Variants in TRIP13 observed in about 807,000 individuals in gnomAD.
TRIP13 encodes pachytene checkpoint protein 2 homolog.
TRIP13 carries 25 observed loss-of-function variants against 54.4 expected under a neutral mutation model. The ratio of observed to expected loss-of-function variants is 0.46; its 90% CI spans 0.33 to 0.64. TRIP13 has a LOEUF of 0.64. TRIP13 is among the 30% of genes least tolerant of loss of function. The pLI is 0.02. For missense variants in TRIP13, 373 were observed against 534.2 expected (o/e 0.70, Z 2.97); for synonymous variants, 207 against 207.8 (o/e 1.00, Z 0.03).
intron 6 of TRIP13, among the ~76,000 whole-genome samples, chr5:906,218 C>A (rs1754112426): frequency 6.6e-6 from 1 of 152,068 alleles, no homozygotes; most frequent in African/African-American, 2.4e-5. Context: ...TCTCTAGGGG[C>A]AGAGAGGGCA....
In TRIP13 at chr5:902,332, G is replaced by A. The variant is rs563883420; in HGVS notation, c.535+901G>A. 1.7e-4 allele frequency among the ~76,000 whole-genome samples: 26 copies of A among 152,292 alleles called. No homozygotes were observed. In the South Asian group the frequency reaches 5.4e-3, roughly 32 times the overall value. The stretch of plus-strand genomic sequence containing the variant: ...TTCTTTAAGTCAGTTAAGATTGCGT[G>A]ACAAAGTGACCTTAAAACACAATGT... On this transcript the variant is annotated intron_variant, in intron 5 of 12. Transcript: ENST00000166345.
At chr5:914,418 C>A in intron 10 of TRIP13, 47 bp from the exon 11 acceptor site, 2 of 1,405,352 alleles carry the variant, frequency 1.4e-6, no homozygotes, top group South Asian at 1.2e-5. Context: ...TGCCTACGCT[C>A]AGGCCTCTGT....
In TRIP13 at chr5:913,836, TCTC is replaced by T. The variant is rs1408062714; in HGVS notation, c.1021-626_1021-624del. 1.3e-5 allele frequency among the ~76,000 whole-genome samples: 2 copies of T among 152,130 alleles called. No individual in the cohort carries two copies. Among genetic ancestry groups the T allele is most frequent in the Admixed American group, 6.5e-5 (1 of 15,274 alleles). On this transcript the variant is annotated intron_variant, in intron 10 of 12. Transcript: ENST00000166345. This position sits in a 1 kb window ranked among gnomAD's most constrained non-coding sequence, Gnocchi z 4.5. ...GTTCAGACAATGCTATTTTCTTCCTTCTCCTTGTTCCTGAGTCAGAACGGTTCG... is the reference window on the plus strand; with the variant it reads ...GTTCAGACAATGCTATTTTCTTCCTTCTTGTTCCTGAGTCAGAACGGTTCG...
intron 11 of TRIP13, 134 bp downstream of exon 11, chr5:914,711 A>G (rs902984158): frequency 2.9e-6 from 2 of 688,796 alleles, no homozygotes; most frequent in African/African-American, 3.7e-5. Flanking sequence ...ATGAACATGC[A>G]TGTACACACG....
chr5:918,112 ATTAC>A lies in TRIP13; in HGVS notation c.*1013_*1016del, dbSNP rs2150694064. On this transcript the variant is annotated 3_prime_UTR_variant, in exon 13 of 13. Coordinates refer to ENST00000166345, the MANE Select transcript of TRIP13 (RefSeq NM_004237.4). The surrounding 1 kb of genome is among the most constrained non-coding windows in gnomAD (Gnocchi z 4.3). The stretch of plus-strand genomic sequence containing the variant: ...AATTTTACTAAAAATTACTCACATG[ATTAC>A]TTAACTTTAAGCCTGATTTATGGTG... 1 of 152,310 alleles carries A rather than the reference ATTAC, an allele frequency of 6.6e-6. No homozygotes were observed. The highest frequency in any genetic ancestry group is 2.1e-4 in the South Asian group (1 of 4,824). The allele number at this position is 152,310 out of a possible 1,614,324, so 9.4% of individuals were successfully genotyped here.
chr5:916,505 G>A (rs904005130), intron 12 of TRIP13, among the ~76,000 whole-genome samples: 3 of 152,252 alleles, frequency 2.0e-5, no homozygotes, highest in Non-Finnish European at 4.4e-5. Context: ...CAAATCAGAA[G>A]TGACTCAGGC....
At chr5:903,328 C>T (rs1034264868) in intron 5 of TRIP13, among the ~76,000 whole-genome samples, 2 of 152,130 alleles carry the variant, frequency 1.3e-5, no homozygotes, top group African/African-American at 4.8e-5. Context: ...GTCTTCTAGT[C>T]ACTTCTCACT....
chr5:893,901 C>A (rs770033738), intron 1 of TRIP13, among the ~76,000 whole-genome samples: 2 of 152,116 alleles, frequency 1.3e-5, no homozygotes. Context: ...AACACCTTAG[C>A]GCTCAGAGAC....
rs1008874055 is a variant in TRIP13 at position 912,996 on chromosome 5, C to T, written c.1020+1000C>T. On this transcript the variant is annotated intron_variant, in intron 10 of 12. Coordinates refer to ENST00000166345, the MANE Select transcript of TRIP13 (RefSeq NM_004237.4). This position sits in a 1 kb window ranked among gnomAD's most constrained non-coding sequence, Gnocchi z 7.2. Reference sequence around the variant, plus strand: ...TGGCACACCCTGCTGTGGTTGGGGACGGGAGAACTGGTCTCAGCCATGGAC... The same window carrying T: ...TGGCACACCCTGCTGTGGTTGGGGATGGGAGAACTGGTCTCAGCCATGGAC... Among the ~76,000 whole-genome samples the T allele has an allele frequency of 3.3e-5, 5 of 152,064 alleles. No individual in the cohort carries two copies. Among genetic ancestry groups the T allele is most frequent in the East Asian group, 3.9e-4 (2 of 5,182 alleles).
At chr5:918,839 ATT>A (rs1754381051), downstream of TRIP13, among the ~76,000 whole-genome samples, 1 of 152,086 alleles carries the variant, frequency 6.6e-6, no homozygotes, top group Non-Finnish European at 1.5e-5. This position sits in a 1 kb window ranked among gnomAD's most constrained non-coding sequence, Gnocchi z 4.3. Context: ...CCCTGCTTAT[ATT>A]GTAGCCTCAC....
chr5:914,663 G>T, intron 11 of TRIP13, 86 bp downstream of exon 11: 1 of 1,090,336 alleles, frequency 9.2e-7, no homozygotes, highest in Non-Finnish European at 1.4e-6. Context: ...AGGAGACCAG[G>T]GAGGGCCCTG....
At chr5:905,822 T>C (rs1754103004) in intron 6 of TRIP13, among the ~76,000 whole-genome samples, 1 of 152,242 alleles carries the variant, frequency 6.6e-6, no homozygotes. Flanking sequence ...GTCTTGTAAA[T>C]GTTTTTACAT....
At position 896,749 on chromosome 5, in the gene TRIP13, G is replaced by A. The variant is rs1753924232; in HGVS notation, c.343G>A (p.Glu115Lys). 5 of 1,613,900 alleles carry A rather than the reference G, an allele frequency of 3.1e-6. No homozygotes were observed. The highest frequency in any genetic ancestry group is 2.5e-6 in the Non-Finnish European group (3 of 1,179,874). ...DGPSSENLEE[E>K]TENIIAANHW... ...CCCCAGCAGTGAAAATCTGGAGGAA[G>A]AGACAGAAAACATAATTGCAGCAAA... is the stretch of plus-strand genomic sequence containing the variant. Residue 115 changes from glutamate to lysine, a missense_variant, in exon 3 of 13, where the codon GAG becomes AAG. By Grantham distance (56) the Glu-to-Lys change is moderately conservative (BLOSUM62 1). This residue lies in a region of TRIP13 where 151 missense variants were observed against 151.9 expected (regional missense o/e 0.99). Coordinates refer to ENST00000166345, the MANE Select transcript of TRIP13 (RefSeq NM_004237.4).
Position 907,104 on chromosome 5 carries a change from C to G in TRIP13, c.609-26C>G, listed in dbSNP as rs1299860130. On this transcript the variant is annotated intron_variant, in intron 6 of 12. Transcript: ENST00000166345. This position sits in a 1 kb window ranked among gnomAD's most constrained non-coding sequence, Gnocchi z 4.1. The stretch of plus-strand genomic sequence containing the variant: ...GGATCCACAGGACCAGTTAGTAATT[C>G]TCTCAACTCCTTTTTTCTATCTCAG... 1 of 1,608,982 alleles carries G rather than the reference C, an allele frequency of 6.2e-7. No individual in the cohort carries two copies. Among genetic ancestry groups the G allele is most frequent in the South Asian group, 1.1e-5 (1 of 90,852 alleles).
chr5:896,630 A>G, intron 2 of TRIP13, 35 bp from the exon 3 acceptor site: 4 of 1,587,710 alleles, frequency 2.5e-6, no homozygotes, highest in Non-Finnish European at 2.6e-6. Context: ...GAGAGTTGGA[A>G]ATGTGTGTCG....
rs1251260632 is a variant in TRIP13 at position 904,179 on chromosome 5, T to C, written c.567T>C (p.Cys189=). Residue 189 remains cysteine (C), a synonymous_variant, in exon 6 of 13, where the codon TGT becomes TGC. Coordinates refer to ENST00000166345, the MANE Select transcript of TRIP13 (RefSeq NM_004237.4). ...CTGGCACTGGAAAAACATCCCTGTG[T>C]AAAGCGTTAGCCCAGAAATTGACAA... is the stretch of plus-strand genomic sequence containing the variant. The part of the protein sequence containing the change: ...GPPGTGKTSL[C]KALAQKLTIR... 2 of 1,610,006 alleles carry C rather than the reference T, an allele frequency of 1.2e-6. No individual in the cohort carries two copies. The highest frequency in any genetic ancestry group is 1.7e-6 in the Non-Finnish European group (2 of 1,178,950).
intron 4 of TRIP13, among the ~76,000 whole-genome samples, chr5:901,058 C>T (rs1243745849): frequency 6.6e-6 from 1 of 152,148 alleles, no homozygotes; most frequent in Non-Finnish European, 1.5e-5. Context: ...GATAAACAAA[C>T]CCCTTAGTGG....
In TRIP13 at chr5:912,576, C is replaced by T. The variant is rs551882467; in HGVS notation, c.1020+580C>T. Reference sequence around the variant, plus strand: ...AGCGTGTGTGAGTCAGGAGGGCCGTCGCCACGGGCACAGTGACGTGCGGTG... The same window carrying T: ...AGCGTGTGTGAGTCAGGAGGGCCGTTGCCACGGGCACAGTGACGTGCGGTG... On this transcript the variant is annotated intron_variant, in intron 10 of 12. Coordinates refer to ENST00000166345, the MANE Select transcript of TRIP13 (RefSeq NM_004237.4). This position sits in a 1 kb window ranked among gnomAD's most constrained non-coding sequence, Gnocchi z 7.2. Among the ~76,000 whole-genome samples the T allele has an allele frequency of 3.1e-4, 46 of 150,100 alleles. No individual in the cohort carries two copies. The highest frequency in any genetic ancestry group is 1.1e-3 in the African/African-American group (44 of 40,918).
At position 896,837 on chromosome 5, in the gene TRIP13, G is replaced by A. The variant is rs200549375; in HGVS notation, c.388+43G>A. 3.3e-4 allele frequency: 526 copies of A among 1,599,610 alleles called. 3 individuals are homozygous for A. The Middle Eastern group carries it at 6.3e-3, about 19-fold the overall frequency. ...AGTTGAAGGGGAGGCTGAGGTCAGA[G>A]GATTGTATACTCCATGCCATGTCAG... On this transcript the variant is annotated intron_variant, in intron 3 of 12. Transcript: ENST00000166345.
Sources: gnomAD v4.1 joint callset for allele counts (sites outside exome capture counted in the v4.1 genomes callset) on GRCh38, gnomAD v4.1.1 for gene constraint, gnomAD v4.1.1 regional missense constraint, Gnocchi (gnomAD v3.1) non-coding constraint, MANE v1.5 for transcripts, NCBI Gene and HGNC (gene_info 2026-07-23, HGNC 2026-07-21) for gene names.